Variants in LRP2 observed in about 807,000 individuals in gnomAD.
LRP2 encodes LDL receptor related protein 2.
A neutral mutation model predicts 531.0 loss-of-function variants in LRP2; 172 were observed. The ratio of observed to expected loss-of-function variants is 0.32; its 90% CI spans 0.29 to 0.37. The LOEUF (loss-of-function observed/expected upper bound fraction) is 0.37. Ranked by LOEUF, LRP2 falls within the 10% of genes least tolerant of loss-of-function variation. The pLI is 1.00. For missense variants in LRP2, 5,167 were observed against 5,868.3 expected, an observed-to-expected ratio of 0.88 and a Z score of 3.90; for synonymous variants, 1,992 against 2,027.6, an observed-to-expected ratio of 0.98 and a Z score of 0.47.
At chr2:169,217,593 T>C (rs1688845039) in intron 34 of LRP2, among the ~76,000 whole-genome samples, 1 of 152,112 alleles carries the variant, frequency 6.6e-6, no homozygotes, top group Non-Finnish European at 1.5e-5. Flanking sequence ...CTTTTTTTTC[T>C]TTCTCCTCTC....
chr2:169,325,124 C>T (rs1248099805), intron 1 of LRP2, among the ~76,000 whole-genome samples: 3 of 151,670 alleles, frequency 2.0e-5, no homozygotes, highest in Admixed American at 6.6e-5. Context: ...TTCTTTTACC[C>T]GTTCCTTGTA....
At chr2:169,239,438 A>G in intron 26 of LRP2, 89 bp downstream of exon 26, 1 of 1,608,664 alleles carries the variant, frequency 6.2e-7, no homozygotes, top group Non-Finnish European at 8.5e-7. Flanking sequence ...TCTAACTCCT[A>G]ATCAACATTG....
In LRP2 at chr2:169,182,525, T is replaced by G. The variant is rs3213759; in HGVS notation, c.9846-206A>C. 1,028,400 of 1,443,542 alleles carry G rather than the reference T, an allele frequency of 0.71. 368,995 individuals carry two copies. The highest frequency in any genetic ancestry group is 0.83 in the South Asian group (59,467 of 71,838). The allele number at this position is 1,443,542 out of a possible 1,614,324, so 89.4% of individuals were successfully genotyped here. A position where few individuals can be genotyped will look rare whatever the true frequency, so the allele number is the denominator to read the frequency against. On this transcript the variant is annotated intron_variant, in intron 50 of 78. Coordinates refer to ENST00000649046, the MANE Select transcript of LRP2 (RefSeq NM_004525.3). Reference sequence around the variant, plus strand: ...AGGGTGCAAGACTGTGTGCAATAATTCCCACTTTAAGGTGGTGTCATGTAG... The same window carrying G: ...AGGGTGCAAGACTGTGTGCAATAATGCCCACTTTAAGGTGGTGTCATGTAG...
At position 169,163,415 on chromosome 2, in the gene LRP2, G is replaced by A. The variant is rs79585901; in HGVS notation, c.11759-815C>T. ...TGTATCTACATCCCAAACAGTAAAA[G>A]TCTGAAGTTTAAAAGGCTGTGAGAC... On this transcript the variant is annotated intron_variant, in intron 62 of 78. Coordinates refer to ENST00000649046, the MANE Select transcript of LRP2 (RefSeq NM_004525.3). Among the ~76,000 whole-genome samples the A allele has an allele frequency of 7.6e-3, 1,162 of 152,254 alleles. 17 individuals carry two copies. Among genetic ancestry groups the A allele is most frequent in the African/African-American group, 0.025 (1,041 of 41,542 alleles).
intron 19 of LRP2, among the ~76,000 whole-genome samples, chr2:169,248,519 A>G (rs1436675204): frequency 6.6e-6 from 1 of 152,272 alleles, no homozygotes; most frequent in African/African-American, 2.4e-5. Flanking sequence ...TGTGTGGTGC[A>G]CAATCAAGAA....
At chr2:169,203,826 C>A (rs1327291783) in intron 42 of LRP2, among the ~76,000 whole-genome samples, 156 bp downstream of exon 42, 2 of 152,212 alleles carry the variant, frequency 1.3e-5, no homozygotes, top group East Asian at 1.9e-4. Flanking sequence ...CCTGCCAAGT[C>A]TTCCTCTCAA....
intron 16 of LRP2, among the ~76,000 whole-genome samples, chr2:169,269,931 A>C (rs1201904962): frequency 6.6e-6 from 1 of 152,224 alleles, no homozygotes; most frequent in African/African-American, 2.4e-5. Context: ...CAACCCCATC[A>C]AAAAGTGGGT....
chr2:169,328,352 C>A lies in LRP2; in HGVS notation c.80-7468G>T, dbSNP rs1256306182. ...GAGGTGAGGGGCGCCTCTGCCCGGC[C>A]ACCCCTACTAGGAAGTGAGGAGCCC... On this transcript the variant is annotated intron_variant, in intron 1 of 78. Coordinates refer to ENST00000649046, the MANE Select transcript of LRP2 (RefSeq NM_004525.3). Among the ~76,000 whole-genome samples, 54 of 144,716 alleles carry A rather than the reference C, an allele frequency of 3.7e-4. 1 individual carries two copies. The highest frequency in any genetic ancestry group is 1.2e-3 in the African/African-American group (46 of 39,166). The allele number at this position is 144,716 out of a possible 152,430, so 94.9% of individuals were successfully genotyped here.
At chr2:169,185,380 G>A (rs1687598378) in intron 50 of LRP2, 123 bp downstream of exon 50, 1 of 880,484 alleles carries the variant, frequency 1.1e-6, no homozygotes. Context: ...AAATAAACCT[G>A]CAGAAACATT....
intron 4 of LRP2, among the ~76,000 whole-genome samples, chr2:169,301,974 T>C (rs978011534): frequency 6.6e-6 from 1 of 152,134 alleles, no homozygotes; most frequent in South Asian, 2.1e-4. Flanking sequence ...CCAACATCCA[T>C]TACTATTTTT....
intron 37 of LRP2, among the ~76,000 whole-genome samples, chr2:169,211,659 T>C (rs1398076674): frequency 6.6e-6 from 1 of 152,140 alleles, no homozygotes; most frequent in Non-Finnish European, 1.5e-5. Context: ...CTTAGCGTGA[T>C]CCATGGGCCA....
chr2:169,156,241 A>C, intron 65 of LRP2, 33 bp downstream of exon 65: 2 of 1,613,094 alleles, frequency 1.2e-6, no homozygotes, highest in African/African-American at 1.3e-5. Context: ...ATTTCCCCAA[A>C]AGTCAATTAA....
At chr2:169,166,201 C>A in intron 61 of LRP2, 147 bp from the exon 62 acceptor site, 1 of 773,118 alleles carries the variant, frequency 1.3e-6, no homozygotes, top group Non-Finnish European at 2.2e-6. Context: ...ATACACCTTA[C>A]ATGTATAGTA....
chr2:169,181,857 T>G (rs770363747), intron 51 of LRP2, among the ~76,000 whole-genome samples: 5 of 152,208 alleles, frequency 3.3e-5, no homozygotes, highest in Non-Finnish European at 7.3e-5. Flanking sequence ...TGGATTTCAG[T>G]GGCTTTGACT....
At chr2:169,342,303 A>G (rs1685584246) in intron 1 of LRP2, among the ~76,000 whole-genome samples, 1 of 152,174 alleles carries the variant, frequency 6.6e-6, no homozygotes, top group Non-Finnish European at 1.5e-5. Flanking sequence ...CTTATAAAAC[A>G]AATAACAAGA....
intron 11 of LRP2, 91 bp downstream of exon 11, chr2:169,280,257 CAA>C: frequency 1.4e-6 from 2 of 1,425,466 alleles, no homozygotes; most frequent in Admixed American, 1.8e-5. Flanking sequence ...TGTTAGAAAA[CAA>C]AGGAACTTTC....
chr2:169,172,799 C>T (rs920659910), intron 57 of LRP2, among the ~76,000 whole-genome samples: 2 of 152,164 alleles, frequency 1.3e-5, no homozygotes, highest in African/African-American at 2.4e-5. Context: ...ACAATTTAAA[C>T]TTGTCAAGTA....
chr2:169,344,147 T>G (rs1685637210), intron 1 of LRP2, among the ~76,000 whole-genome samples: 1 of 152,154 alleles, frequency 6.6e-6, no homozygotes, highest in Non-Finnish European at 1.5e-5. Flanking sequence ...TACTTTAAGT[T>G]CTGGGGTACA....
At chr2:169,248,820 T>C (rs1253355157) in intron 19 of LRP2, among the ~76,000 whole-genome samples, 1 of 128,358 alleles carries the variant, frequency 7.8e-6, no homozygotes, top group African/African-American at 3.2e-5. Flanking sequence ...TTGCCTCACC[T>C]GGGAAGCGCA....
Sources: allele counts gnomAD v4.1 joint callset (sites outside exome capture counted in the v4.1 genomes callset), GRCh38; gene constraint gnomAD v4.1.1; transcripts MANE v1.5; gene names NCBI Gene and HGNC (gene_info 2026-07-23, HGNC 2026-07-21).